Variants in UGT1A9 observed in about 807,000 individuals in gnomAD.
UGT1A9 encodes the protein UDP glucuronosyltransferase family 1 member A9.
Under a neutral mutation model 45.0 loss-of-function variants are expected in UGT1A9, and 35 were observed. That is an observed-to-expected ratio of 0.78 (90% confidence interval 0.59 to 1.03). The LOEUF is 1.03. Among genes scored for constraint, UGT1A9 ranks in the 50% least tolerant of loss-of-function variants. The pLI, the probability that UGT1A9 is intolerant of heterozygous loss-of-function variation, is 0.00. For missense variants in UGT1A9, 687 were observed against 666.6 expected, an observed-to-expected ratio of 1.03 and a Z score of -0.34; for synonymous variants, 278 against 250.6, an observed-to-expected ratio of 1.11 and a Z score of -1.03.
intron 1 of UGT1A9, among the ~76,000 whole-genome samples, chr2:233,695,130 CT>C (rs71398796): frequency 0.3 from 41,647 of 138,420 alleles, 5,638 homozygotes; most frequent in African/African-American, 0.36. Flanking sequence ...CTTTTCTTTT[CT>C]TTTTTTTTTT....
In UGT1A9 at chr2:233,772,329, G is replaced by T; in HGVS notation, c.1363G>T (p.Ala455Ser). The change falls in exon 5 of 5, where the codon GCC becomes TCC. Residue 455 changes from alanine to serine, a missense_variant. Coordinates refer to ENST00000354728, the MANE Select transcript of UGT1A9 (RefSeq NM_021027.3). Reference protein sequence around the residue: ...KDRPVEPLDLAVFWVEFVMRH... With the variant: ...KDRPVEPLDLSVFWVEFVMRH... ...CCGCCCGGTGGAGCCGCTGGACCTG[G>T]CCGTGTTCTGGGTGGAGTTTGTGAT... 6.2e-7 allele frequency: 1 copy of T among 1,614,164 alleles called. No individual in the cohort carries two copies. The highest frequency in any genetic ancestry group is 8.5e-7 in the Non-Finnish European group (1 of 1,180,030).
intron 1 of UGT1A9, among the ~76,000 whole-genome samples, chr2:233,690,309 T>C (rs1246191165): frequency 2.6e-5 from 4 of 152,226 alleles, no homozygotes; most frequent in Non-Finnish European, 5.9e-5. Flanking sequence ...GCTCCATTAC[T>C]TATGGGTCGT....
chr2:233,737,897 T>G (rs1404906155), intron 1 of UGT1A9, among the ~76,000 whole-genome samples: 4 of 152,000 alleles, frequency 2.6e-5, no homozygotes, highest in African/African-American at 9.7e-5. Flanking sequence ...AATTTTCGAG[T>G]GTGGTAAAGA....
At chr2:233,683,807 T>C (rs149937517) in intron 1 of UGT1A9, among the ~76,000 whole-genome samples, 1 of 152,342 alleles carries the variant, frequency 6.6e-6, no homozygotes, top group Non-Finnish European at 1.5e-5. Flanking sequence ...TATGTAGTCA[T>C]ATTACTAAAC....
intron 1 of UGT1A9, among the ~76,000 whole-genome samples, chr2:233,745,600 C>T (rs1179957536): frequency 6.6e-6 from 1 of 151,524 alleles, no homozygotes; most frequent in African/African-American, 2.4e-5. Flanking sequence ...GGACTTGGCA[C>T]TTGGTAAGCA....
intron 1 of UGT1A9, chr2:233,742,758 T>C (rs1302155264): frequency 1.3e-5 from 2 of 153,094 alleles, no homozygotes. Flanking sequence ...AATATTAAGA[T>C]AATAAATGCA....
At chr2:233,758,199 G>A (rs1696818445) in intron 1 of UGT1A9, among the ~76,000 whole-genome samples, 1 of 152,212 alleles carries the variant, frequency 6.6e-6, no homozygotes, top group African/African-American at 2.4e-5. Context: ...TTGCTTAGTA[G>A]TGGTTCTCTG....
intron 1 of UGT1A9, among the ~76,000 whole-genome samples, chr2:233,737,662 C>T (rs972377767): frequency 1.3e-5 from 2 of 152,186 alleles, no homozygotes; most frequent in East Asian, 1.9e-4. Flanking sequence ...AGCTGCAGAT[C>T]GGAGCTGTTC....
Position 233,744,040 on chromosome 2 carries a change from C to A in UGT1A9, c.856-22994C>A. 9 of 766,390 alleles carry A rather than the reference C, an allele frequency of 1.2e-5. No individual in the cohort carries two copies. In the South Asian group the frequency reaches 1.4e-4, roughly 12 times the overall value. 47.5% of individuals were successfully genotyped at this position (766,390 alleles called of 1,614,324 possible). On this transcript the variant is annotated intron_variant, in intron 1 of 4. Transcript: ENST00000354728. ...TGGAGAGACGCCCCTTATGACGCAG[C>A]CACATCTCATTGGTCGAGGCCTATG...
At position 233,681,840 on chromosome 2, in the gene UGT1A9, C is replaced by T. The variant is rs558852280; in HGVS notation, c.855+9051C>T. 14 of 1,516,320 alleles carry T rather than the reference C, an allele frequency of 9.2e-6. No individual in the cohort carries two copies. The South Asian group carries it at 9.6e-5, about 10-fold the overall frequency. The allele number at this position is 1,516,320 out of a possible 1,614,324, so 93.9% of individuals were successfully genotyped here. A position where few individuals can be genotyped will look rare whatever the true frequency, so the allele number is the denominator to read the frequency against. ...TTTTTTAAATGAATGAATAAGTACA[C>T]GCCTTCTTTTGAGGGCAGGTTCTAT... is the stretch of plus-strand genomic sequence containing the variant. On this transcript the variant is annotated intron_variant, in intron 1 of 4. Transcript: ENST00000354728.
intron 1 of UGT1A9, chr2:233,747,341 C>T: frequency 6.2e-7 from 1 of 1,603,526 alleles, no homozygotes; most frequent in Non-Finnish European, 8.5e-7. Flanking sequence ...CACTGGCTCG[C>T]ATGCGGGAGG....
At chr2:233,713,703 C>G (rs561558353) in intron 1 of UGT1A9, 2 of 1,613,916 alleles carry the variant, frequency 1.2e-6, no homozygotes, top group East Asian at 2.2e-5. Context: ...TGCCTCTGAG[C>G]TTTTTCAGAG....
chr2:233,673,138 T>A (rs866454769), intron 1 of UGT1A9, among the ~76,000 whole-genome samples: 1 of 152,242 alleles, frequency 6.6e-6, no homozygotes, highest in African/African-American at 2.4e-5. Context: ...TTTGTGAACA[T>A]TCTTTTAATG....
At chr2:233,730,473 C>T (rs1012603500) in intron 1 of UGT1A9, among the ~76,000 whole-genome samples, 5 of 152,168 alleles carry the variant, frequency 3.3e-5, no homozygotes, top group African/African-American at 4.8e-5. Flanking sequence ...GAGACCTAGG[C>T]ACTCACATGA....
intron 1 of UGT1A9, chr2:233,747,358 G>T: frequency 6.2e-7 from 1 of 1,603,224 alleles, no homozygotes; most frequent in African/African-American, 1.3e-5. Context: ...GAGGCCGTGC[G>T]GGAGCTCCAT....
At chr2:233,690,656 A>G in intron 1 of UGT1A9, 1 of 1,283,474 alleles carries the variant, frequency 7.8e-7, no homozygotes, top group Non-Finnish European at 1.0e-6. Flanking sequence ...CTCCTACAGC[A>G]CCAACCAGGG....
rs45535938 is a variant in UGT1A9, at chr2:233,693,109, C to T, written c.855+20320C>T. ...ACAAGCTGCTGGTGGTCCCTCAGGA[C>T]GGAAGCCACTGGCTTAGTATGAAGG... On this transcript the variant is annotated intron_variant, in intron 1 of 4. Coordinates refer to ENST00000354728, the MANE Select transcript of UGT1A9 (RefSeq NM_021027.3). 1.9e-3 allele frequency: 3,145 copies of T among 1,614,076 alleles called. 71 individuals are homozygous for T. The East Asian group carries it at 0.05, about 26-fold the overall frequency.
At chr2:233,729,454 T>C (rs758737792) in intron 1 of UGT1A9, 3 of 1,614,042 alleles carry the variant, frequency 1.9e-6, no homozygotes, top group Non-Finnish European at 2.5e-6. Flanking sequence ...TCTGAAGAAA[T>C]TTTTCAGAAG....
At chr2:233,755,100 G>C (rs920872791) in intron 1 of UGT1A9, 1 of 1,335,078 alleles carries the variant, frequency 7.5e-7, no homozygotes, top group Non-Finnish European at 1.0e-6. Flanking sequence ...CTACGCGTCC[G>C]ACAACACCTC....
Sources: gnomAD v4.1 joint callset for allele counts (sites outside exome capture counted in the v4.1 genomes callset) on GRCh38, gnomAD v4.1.1 for gene constraint, MANE v1.5 for transcripts, NCBI Gene and HGNC (gene_info 2026-07-23, HGNC 2026-07-21) for gene names.